The following RBFOX1 variants were observed in gnomAD, a reference collection of about 807,000 sequenced individuals.
The protein encoded by RBFOX1 is RNA binding fox-1 homolog 1.
In RBFOX1, 8 loss-of-function variants were observed where a neutral mutation model predicts 57.7. That is an observed-to-expected ratio of 0.14 (90% confidence interval 0.08 to 0.25). The LOEUF (loss-of-function observed/expected upper bound fraction) is 0.25. RBFOX1 is among the 10% of genes least tolerant of loss of function. RBFOX1 has a pLI of 1.00. For missense variants in RBFOX1, 611 were observed against 548.5 expected, an observed-to-expected ratio of 1.11 and a Z score of -1.14; for synonymous variants, 326 against 222.4, an observed-to-expected ratio of 1.47 and a Z score of -4.15.
chr16:5,891,388 C>T (rs1394367540), intron 4 of RBFOX1, among the ~76,000 whole-genome samples: 2 of 152,198 alleles, frequency 1.3e-5, no homozygotes, highest in Non-Finnish European at 2.9e-5. Context: ...CAAGCGCCTT[C>T]TATGCCAAGC....
intron 4 of RBFOX1, among the ~76,000 whole-genome samples, chr16:7,438,883 A>C (rs558218786): frequency 3.7e-4 from 57 of 152,268 alleles, no homozygotes; most frequent in Non-Finnish European, 7.4e-4. Flanking sequence ...TGAGTGATCT[A>C]TACTGCATGA....
chr16:6,543,088 C>G (rs2153835256), intron 2 of RBFOX1, among the ~76,000 whole-genome samples: 1 of 152,274 alleles, frequency 6.6e-6, no homozygotes, highest in South Asian at 2.1e-4. Flanking sequence ...TTGTTCATTT[C>G]AAATGGAAAT....
intron 4 of RBFOX1, among the ~76,000 whole-genome samples, chr16:7,421,531 T>C (rs148523420): frequency 6.6e-6 from 1 of 152,174 alleles, no homozygotes; most frequent in East Asian, 1.9e-4. Flanking sequence ...AAGGCAGGAA[T>C]CTGAGGTCTG....
chr16:7,604,592 G>C (rs1453591956), intron 9 of RBFOX1, among the ~76,000 whole-genome samples: 1 of 152,114 alleles, frequency 6.6e-6, no homozygotes, highest in Non-Finnish European at 1.5e-5. Context: ...AGATTATAGG[G>C]GGATAGACAG....
At chr16:6,730,170 C>G (rs562564165) in intron 3 of RBFOX1, among the ~76,000 whole-genome samples, 1 of 152,164 alleles carries the variant, frequency 6.6e-6, no homozygotes, top group East Asian at 1.9e-4. Context: ...ATAATTATAA[C>G]TCTTTACCCA....
chr16:6,670,155 C>T (rs1344805074), intron 3 of RBFOX1, among the ~76,000 whole-genome samples: 1 of 152,030 alleles, frequency 6.6e-6, no homozygotes, highest in Admixed American at 6.5e-5. Context: ...GCATGTTGTA[C>T]TTACTCAGTG....
intron 3 of RBFOX1, among the ~76,000 whole-genome samples, chr16:5,763,921 G>T (rs1021301970): frequency 6.6e-6 from 1 of 152,056 alleles, no homozygotes; most frequent in Non-Finnish European, 1.5e-5. Context: ...TCCCGCCCTG[G>T]CATTATATTA....
At chr16:6,972,799 T>G (rs974896230) in intron 3 of RBFOX1, among the ~76,000 whole-genome samples, 1 of 151,990 alleles carries the variant, frequency 6.6e-6, no homozygotes, top group African/African-American at 2.4e-5. Context: ...TAAGAAAATT[T>G]CTGTTCAAAT....
At chr16:7,406,928 G>T (rs113489756) in intron 4 of RBFOX1, among the ~76,000 whole-genome samples, 1 of 152,186 alleles carries the variant, frequency 6.6e-6, no homozygotes, top group African/African-American at 2.4e-5. Context: ...AATGCTATCA[G>T]TGTAGCATTT....
Position 6,597,309 on chromosome 16 carries a change from C to A in RBFOX1, c.-63-57294C>A, listed in dbSNP as rs140143047. Among the ~76,000 whole-genome samples, 438 of 152,198 alleles carry A rather than the reference C, an allele frequency of 2.9e-3. 4 individuals carry two copies. The highest frequency in any genetic ancestry group is 9.9e-3 in the African/African-American group (411 of 41,540). On this transcript the variant is annotated intron_variant, in intron 2 of 15. Transcript: ENST00000550418. ...TTTTATACCCTAAAGCCATCTGAGTCCCCTTTTCCTTTCCCTGTCTCCATT... is the reference window on the plus strand; with the variant it reads ...TTTTATACCCTAAAGCCATCTGAGTACCCTTTTCCTTTCCCTGTCTCCATT...
chr16:5,615,490 C>T (rs73527614), intron 3 of RBFOX1, among the ~76,000 whole-genome samples: 7,061 of 152,296 alleles, frequency 0.046, 566 homozygotes, highest in African/African-American at 0.16. Context: ...AGCCTTTAGC[C>T]TCTCCCCATA....
At chr16:7,680,941 A>G (rs10852688) in intron 14 of RBFOX1, among the ~76,000 whole-genome samples, 146,185 of 152,186 alleles carry the variant, frequency 0.96, 70,505 homozygotes, top group East Asian at 1. Context: ...GGGGCCTCAC[A>G]AGGGACTTAT....
At chr16:7,535,094 A>G (rs1017428668) in intron 5 of RBFOX1, among the ~76,000 whole-genome samples, 2 of 152,192 alleles carry the variant, frequency 1.3e-5, no homozygotes, top group East Asian at 3.9e-4. Flanking sequence ...TCTCTCTTTT[A>G]TTAACCGCTT....
At chr16:6,526,696 G>A (rs1001280404) in intron 2 of RBFOX1, among the ~76,000 whole-genome samples, 6 of 151,514 alleles carry the variant, frequency 4.0e-5, no homozygotes, top group Admixed American at 6.6e-5. Flanking sequence ...CGGGCGTGGT[G>A]GTGGGCACCT....
chr16:6,631,196 C>G (rs1047867983), intron 2 of RBFOX1, among the ~76,000 whole-genome samples: 8 of 151,800 alleles, frequency 5.3e-5, no homozygotes, highest in Admixed American at 2.6e-4. Context: ...AATTGTGAAT[C>G]TGAGAAAGAA....
Position 7,709,078 on chromosome 16 carries a change from G to T in RBFOX1, c.1018G>T (p.Asp340Tyr). The change falls in exon 15 of 16, where the codon GAC (aspartate) becomes TAC (tyrosine). Residue 340 changes from aspartate (D) to tyrosine (Y), a missense_variant. Around this residue, in one of 3 missense-constraint regions of RBFOX1, gnomAD observed 267 missense variants for 229.1 expected, o/e 1.17. Transcript: ENST00000550418. ...SDSYGRVYAA[D>Y]PYHHALAPAP... is the part of the protein sequence containing the mutation. ...CAGTTACGGACGAGTTTATGCTGCC[G>T]ACCCCTACCACCACGCACTTGCTCC... 1 of 1,613,608 alleles carries T rather than the reference G, an allele frequency of 6.2e-7. No individual in the cohort carries two copies. The highest frequency in any genetic ancestry group is 8.5e-7 in the Non-Finnish European group (1 of 1,179,778).
intron 4 of RBFOX1, among the ~76,000 whole-genome samples, chr16:7,156,582 C>A (rs1026359355): frequency 6.6e-6 from 1 of 151,932 alleles, no homozygotes; most frequent in Non-Finnish European, 1.5e-5. Flanking sequence ...TGCACATTTG[C>A]ATGCAGATAT....
chr16:5,991,641 GATAGT>G (rs1347034366), intron 4 of RBFOX1, among the ~76,000 whole-genome samples: 16 of 137,338 alleles, frequency 1.2e-4, no homozygotes, highest in African/African-American at 3.9e-4. Flanking sequence ...GAAATTATTA[GATAGT>G]TTTTTTTTTT....
intron 3 of RBFOX1, among the ~76,000 whole-genome samples, chr16:6,798,090 C>G (rs200337102): frequency 5.9e-5 from 9 of 151,986 alleles, no homozygotes; most frequent in Admixed American, 1.3e-4. Flanking sequence ...TAAATATATG[C>G]CACACCCTTA....
Sources: gnomAD v4.1 joint callset for allele counts (sites outside exome capture counted in the v4.1 genomes callset) on GRCh38, gnomAD v4.1.1 for gene constraint, gnomAD v4.1.1 regional missense constraint, MANE v1.5 for transcripts, NCBI Gene and HGNC (gene_info 2026-07-23, HGNC 2026-07-21) for gene names.